DGKH: variants seen among roughly 807,000 people sequenced by gnomAD.
DGKH encodes the protein DAG kinase eta.
A neutral mutation model predicts 159.3 loss-of-function variants in DGKH; 90 were observed. The ratio of observed to expected loss-of-function variants is 0.57; its 90% confidence interval spans 0.48 to 0.67. DGKH has a LOEUF of 0.67. Ranked by LOEUF, DGKH falls within the 30% of genes least tolerant of loss-of-function variation. The probability of loss-of-function intolerance (pLI) is 0.00; values close to 1 mark genes in which losing one functional copy is unlikely to be tolerated. For synonymous variants in DGKH, 536 were observed against 553.8 expected, an observed-to-expected ratio of 0.97 and a Z score of 0.45; for missense variants, 1,181 against 1,506.1, an observed-to-expected ratio of 0.78 and a Z score of 3.57.
chr13:42,199,685 A>G lies in DGKH; in HGVS notation c.2396+9A>G. The stretch of plus-strand genomic sequence containing the variant: ...CACCCTGAAAAATGCAGGTAATTTT[A>G]GTAAAAGTAATAATGCTATTACATA... On this transcript the variant is annotated intron_variant, in intron 19 of 29. Coordinates refer to ENST00000337343, the MANE Select transcript of DGKH (RefSeq NM_178009.5). The G allele has an allele frequency of 3.2e-6, 5 of 1,579,868 alleles. No homozygotes were observed. The South Asian group carries it at 5.9e-5, about 19-fold the overall frequency.
intron 29 of DGKH, among the ~76,000 whole-genome samples, chr13:42,249,882 T>TC (rs1253552986): frequency 6.6e-6 from 1 of 152,130 alleles, no homozygotes; most frequent in African/African-American, 2.4e-5. Flanking sequence ...TTTGAATCAC[T>TC]CTCCTTCATT....
intron 1 of DGKH, among the ~76,000 whole-genome samples, chr13:42,054,339 G>GAAT (rs1360611678): frequency 2.0e-5 from 3 of 152,178 alleles, no homozygotes; most frequent in Admixed American, 2.0e-4. Flanking sequence ...AGAATATTAG[G>GAAT]AAATGAGAGT....
chr13:42,253,162 G>A (rs534598056), intron 30 of DGKH, among the ~76,000 whole-genome samples: 1 of 152,296 alleles, frequency 6.6e-6, no homozygotes, highest in South Asian at 2.1e-4. Context: ...AGTCTAGTTT[G>A]TGTCCCCCTA....
At chr13:42,101,170 A>G (rs1479990956) in intron 1 of DGKH, among the ~76,000 whole-genome samples, 1 of 152,206 alleles carries the variant, frequency 6.6e-6, no homozygotes, top group African/African-American at 2.4e-5. Flanking sequence ...CTAGCTGATT[A>G]ATTATGCTCG....
At chr13:42,247,809 A>G (rs1211500048), downstream of DGKH, among the ~76,000 whole-genome samples, 3 of 150,886 alleles carry the variant, frequency 2.0e-5, no homozygotes, top group Non-Finnish European at 4.4e-5. Context: ...GTTAAAAACA[A>G]AAACAATTTT....
chr13:42,205,209 T>C (rs933772419), intron 20 of DGKH, among the ~76,000 whole-genome samples: 1 of 152,202 alleles, frequency 6.6e-6, no homozygotes, highest in Non-Finnish European at 1.5e-5. Context: ...TAAATGTTAA[T>C]TAAAATAATA....
chr13:42,249,113 C>G (rs940196418), intron 29 of DGKH, among the ~76,000 whole-genome samples: 1 of 151,802 alleles, frequency 6.6e-6, no homozygotes, highest in African/African-American at 2.4e-5. Flanking sequence ...GTGGCTCATG[C>G]CTGTAATCCC....
chr13:42,084,997 A>G (rs997698211), intron 1 of DGKH, among the ~76,000 whole-genome samples: 36 of 152,144 alleles, frequency 2.4e-4, no homozygotes, highest in African/African-American at 7.5e-4. Flanking sequence ...GATACTTTAC[A>G]TTGCTATTTT....
chr13:42,178,112 G>A lies in DGKH; in HGVS notation c.1453-23G>A, dbSNP rs746201234. On this transcript the variant is annotated intron_variant, in intron 12 of 29. Coordinates refer to ENST00000337343, the MANE Select transcript of DGKH (RefSeq NM_178009.5). Reference sequence around the variant, plus strand: ...TATAAATGCCAGCAACAATAATACAGTGTAGAGTTTTCTTTTCTTCAGATG... The same window carrying A: ...TATAAATGCCAGCAACAATAATACAATGTAGAGTTTTCTTTTCTTCAGATG... 4 of 1,589,718 alleles carry A rather than the reference G, an allele frequency of 2.5e-6. No homozygotes were observed. The East Asian group carries it at 6.7e-5, about 27-fold the overall frequency.
At chr13:42,111,346 G>A (rs748032602) in intron 1 of DGKH, among the ~76,000 whole-genome samples, 16 of 152,138 alleles carry the variant, frequency 1.1e-4, no homozygotes, top group Admixed American at 9.8e-4. Context: ...TTTGGGAGGC[G>A]AGGTGGGCAG....
intron 30 of DGKH, among the ~76,000 whole-genome samples, chr13:42,254,541 G>C (rs920692840): frequency 6.6e-6 from 1 of 151,842 alleles, no homozygotes; most frequent in Non-Finnish European, 1.5e-5. Flanking sequence ...GCTGAGGCAG[G>C]AGAATCACTT....
chr13:42,064,171 A>G (rs1003036103), intron 1 of DGKH, among the ~76,000 whole-genome samples: 2 of 152,068 alleles, frequency 1.3e-5, no homozygotes, highest in African/African-American at 4.8e-5. Flanking sequence ...GCACTTCTAG[A>G]AATTATTTTC....
chr13:42,220,056 C>CA (rs2138244604), intron 28 of DGKH, among the ~76,000 whole-genome samples: 1 of 152,158 alleles, frequency 6.6e-6, no homozygotes, highest in Admixed American at 6.6e-5. Flanking sequence ...AGGAAGCACA[C>CA]AAAAAAATGA....
rs569770110 is a variant in DGKH at position 42,130,372 on chromosome 13, C to A, written c.384+740C>A. The stretch of plus-strand genomic sequence containing the variant: ...CTTATTTCAGATAACCCATTTTTTT[C>A]CAGCTTCTTTCATTCACAAAGTATG... On this transcript the variant is annotated intron_variant, in intron 3 of 29. Transcript: ENST00000337343. 2.0e-3 allele frequency among the ~76,000 whole-genome samples: 298 copies of A among 152,186 alleles called. 1 individual carries two copies. Among genetic ancestry groups the A allele is most frequent in the Non-Finnish European group, 3.5e-3 (238 of 67,992 alleles).
At chr13:42,246,906 G>C (rs1377252732), downstream of DGKH, among the ~76,000 whole-genome samples, 1 of 152,084 alleles carries the variant, frequency 6.6e-6, no homozygotes, top group African/African-American at 2.4e-5. Context: ...GAATGTGTGT[G>C]TGTATATACA....
At chr13:42,096,077 A>C (rs563885240) in intron 1 of DGKH, among the ~76,000 whole-genome samples, 46 of 152,190 alleles carry the variant, frequency 3.0e-4, no homozygotes, top group African/African-American at 1.1e-3. Context: ...TTGTCTTTCA[A>C]ATTTAATTTG....
At chr13:42,103,699 G>T (rs1594031605) in intron 1 of DGKH, among the ~76,000 whole-genome samples, 1 of 152,304 alleles carries the variant, frequency 6.6e-6, no homozygotes, top group Non-Finnish European at 1.5e-5. Flanking sequence ...TAATGGCAAG[G>T]GGAAAGGAAT....
chr13:42,186,959 CTTAA>C (rs1159461652), intron 13 of DGKH, 86 bp from the exon 14 acceptor site: 6 of 1,133,634 alleles, frequency 5.3e-6, no homozygotes, highest in East Asian at 2.4e-5. Context: ...TGACAGTTTG[CTTAA>C]TTGTGTTTCT....
At chr13:42,165,576 G>A in intron 8 of DGKH, 143 bp downstream of exon 8, 1 of 474,344 alleles carries the variant, frequency 2.1e-6, no homozygotes, top group Non-Finnish European at 3.6e-6. Flanking sequence ...ATTGCTGAAA[G>A]TACATTCCAT....
Sources: allele counts gnomAD v4.1 joint callset (sites outside exome capture counted in the v4.1 genomes callset), GRCh38; gene constraint gnomAD v4.1.1; transcripts MANE v1.5; gene names NCBI Gene and HGNC (gene_info 2026-07-23, HGNC 2026-07-21).